SDK1: variants seen among roughly 807,000 people sequenced by gnomAD.
The protein encoded by SDK1 is sidekick cell adhesion molecule 1, also known as protein sidekick-1.
A neutral mutation model predicts 245.5 loss-of-function variants in SDK1; 157 were observed. That is an observed-to-expected ratio of 0.64 (90% CI 0.56 to 0.73). The LOEUF (loss-of-function observed/expected upper bound fraction) is 0.73, where lower values mean the gene tolerates loss of function less well. Ranked by LOEUF, SDK1 falls within the 30% of genes least tolerant of loss-of-function variation. SDK1 has a pLI of 0.00. For missense variants in SDK1, 3,583 were observed against 3,002.3 expected, an observed-to-expected ratio of 1.19 and a Z score of -4.52; for synonymous variants, 1,647 against 1,278.5, an observed-to-expected ratio of 1.29 and a Z score of -6.15.
intron 33 of SDK1, 89 bp downstream of exon 33, chr7:4,174,446 C>A: frequency 7.1e-7 from 1 of 1,413,648 alleles, no homozygotes; most frequent in Non-Finnish European, 9.8e-7. Context: ...GTGGGAAACG[C>A]TGTGGAAGAG....
chr7:4,220,317 T>G, intron 39 of SDK1, 47 bp downstream of exon 39: 1 of 1,576,132 alleles, frequency 6.3e-7, no homozygotes, highest in Non-Finnish European at 8.7e-7. Context: ...AACTTTAGCC[T>G]CCCGCCTCCT....
intron 1 of SDK1, chr7:3,338,374 T>G (rs560737523): frequency 1.9e-6 from 1 of 526,054 alleles, no homozygotes; most frequent in South Asian, 1.7e-5. Context: ...GGCACGACTC[T>G]TGCCAAGAGA....
intron 23 of SDK1, among the ~76,000 whole-genome samples, chr7:4,112,024 C>T (rs1216735242): frequency 1.3e-5 from 2 of 152,176 alleles, no homozygotes; most frequent in Non-Finnish European, 2.9e-5. Context: ...GCCTCAGTTA[C>T]CTGACAAAGT....
At chr7:3,600,108 G>A (rs1359732181) in intron 1 of SDK1, among the ~76,000 whole-genome samples, 1 of 152,018 alleles carries the variant, frequency 6.6e-6, no homozygotes, top group African/African-American at 2.4e-5. Flanking sequence ...TCTGTTACCA[G>A]CATTTTATAA....
chr7:3,770,266 C>T (rs960933962), intron 4 of SDK1, among the ~76,000 whole-genome samples: 1 of 152,166 alleles, frequency 6.6e-6, no homozygotes, highest in African/African-American at 2.4e-5. Flanking sequence ...CCCTTAAAGT[C>T]CATACAAATG....
intron 1 of SDK1, among the ~76,000 whole-genome samples, chr7:3,481,615 C>A (rs1781525591): frequency 6.6e-6 from 1 of 152,154 alleles, no homozygotes; most frequent in Non-Finnish European, 1.5e-5. Context: ...CATACAAGCC[C>A]TTCCTGTGTA....
chr7:3,780,240 C>G (rs190742149), intron 4 of SDK1, among the ~76,000 whole-genome samples: 71 of 152,300 alleles, frequency 4.7e-4, no homozygotes, highest in African/African-American at 1.6e-3. Flanking sequence ...TTTCCCTGGA[C>G]CAACAGTTTC....
At chr7:4,005,393 AGTGTGT>A (rs71032920) in intron 14 of SDK1, among the ~76,000 whole-genome samples, 2,090 of 129,898 alleles carry the variant, frequency 0.016, 43 homozygotes, top group African/African-American at 0.048. Context: ...TTCTTATGTG[AGTGTGT>A]GTGTGTGTGT....
intron 1 of SDK1, among the ~76,000 whole-genome samples, chr7:3,490,341 G>A (rs761527719): frequency 6.6e-6 from 1 of 152,134 alleles, no homozygotes; most frequent in African/African-American, 2.4e-5. Flanking sequence ...TTTCTTAATA[G>A]TTCTTTCAGG....
At chr7:3,344,655 GTGT>G in intron 1 of SDK1, among the ~76,000 whole-genome samples, 1 of 146,888 alleles carries the variant, frequency 6.8e-6, no homozygotes, top group South Asian at 2.1e-4. Flanking sequence ...GGTGGATATC[GTGT>G]TCTTCTTCGT....
intron 1 of SDK1, among the ~76,000 whole-genome samples, chr7:3,612,308 C>T (rs1781618635): frequency 6.6e-6 from 1 of 152,184 alleles, no homozygotes; most frequent in African/African-American, 2.4e-5. Context: ...TCTATATTTG[C>T]ATATTTAACT....
intron 1 of SDK1, among the ~76,000 whole-genome samples, chr7:3,581,848 G>A (rs560100993): frequency 6.6e-6 from 1 of 152,224 alleles, no homozygotes; most frequent in Admixed American, 6.5e-5. Context: ...CCTTTGCAGG[G>A]ACATGGGTGA....
chr7:3,349,230 A>G (rs201748275), intron 1 of SDK1, among the ~76,000 whole-genome samples: 2 of 152,100 alleles, frequency 1.3e-5, no homozygotes, highest in Admixed American at 1.3e-4. Context: ...CAAACACACA[A>G]CAGCCTATTT....
At chr7:3,430,063 C>T (rs1276316200) in intron 1 of SDK1, among the ~76,000 whole-genome samples, 3 of 152,188 alleles carry the variant, frequency 2.0e-5, no homozygotes, top group Non-Finnish European at 2.9e-5. Flanking sequence ...TGGAACTCTG[C>T]CTCTCACCTT....
chr7:4,136,323 A>T (rs1427066013), intron 28 of SDK1, among the ~76,000 whole-genome samples: 1 of 152,184 alleles, frequency 6.6e-6, no homozygotes, highest in Non-Finnish European at 1.5e-5. Context: ...GCAAATTCAG[A>T]TGGGTGTTCA....
intron 1 of SDK1, among the ~76,000 whole-genome samples, chr7:3,616,847 G>T (rs569705894): frequency 6.6e-6 from 1 of 152,268 alleles, no homozygotes; most frequent in East Asian, 1.9e-4. Context: ...ATGTACAGTA[G>T]TTTATAAGAA....
rs563217341 is a variant in SDK1, at chr7:3,957,588, G to C, written c.1151-1343G>C. Reference sequence around the variant, plus strand: ...CCTTCCATGCTTTTAATCAGATCATGACGGTAGATATTGACTTAGCTTCCC... The same window carrying C: ...CCTTCCATGCTTTTAATCAGATCATCACGGTAGATATTGACTTAGCTTCCC... On this transcript the variant is annotated intron_variant, in intron 7 of 44. Transcript: ENST00000404826. 6.6e-5 allele frequency among the ~76,000 whole-genome samples: 10 copies of C among 152,264 alleles called. No individual in the cohort carries two copies. The South Asian group carries it at 1.0e-3, about 16-fold the overall frequency.
intron 1 of SDK1, among the ~76,000 whole-genome samples, chr7:3,506,643 C>T (rs1782400965): frequency 6.6e-6 from 1 of 152,056 alleles, no homozygotes. Flanking sequence ...TTACAGTCTT[C>T]CTCCCCCTGC....
At chr7:4,256,745 C>G (rs573738742) in intron 44 of SDK1, among the ~76,000 whole-genome samples, 2 of 152,320 alleles carry the variant, frequency 1.3e-5, no homozygotes, top group South Asian at 2.1e-4. Flanking sequence ...GGCTTCTGCT[C>G]ACCGTCTTCT....
Sources: gnomAD v4.1 joint callset for allele counts (sites outside exome capture counted in the v4.1 genomes callset) on GRCh38, gnomAD v4.1.1 for gene constraint, MANE v1.5 for transcripts, NCBI Gene and HGNC (gene_info 2026-07-23, HGNC 2026-07-21) for gene names.